Variants in ROBO1 observed in about 807,000 individuals in gnomAD.
ROBO1 encodes roundabout homolog 1.
Under a neutral mutation model 195.9 loss-of-function variants are expected in ROBO1, and 149 were observed. The ratio of observed to expected loss-of-function variants is 0.76; its 90% CI spans 0.67 to 0.87. The LOEUF (loss-of-function observed/expected upper bound fraction) is 0.87. Ranked by LOEUF, ROBO1 falls within the 40% of genes least tolerant of loss-of-function variation. ROBO1 has a pLI of 0.00. For synonymous variants in ROBO1, 816 were observed against 733.2 expected (o/e 1.11, Z -1.82); for missense variants, 1,933 against 2,068.3 (o/e 0.93, Z 1.27).
chr3:79,592,292 C>T (rs1944020627), intron 1 of ROBO1, among the ~76,000 whole-genome samples: 1 of 151,690 alleles, frequency 6.6e-6, no homozygotes, highest in Non-Finnish European at 1.5e-5. Context: ...ATTGAATTCC[C>T]CCAAGTTATA....
intron 2 of ROBO1, among the ~76,000 whole-genome samples, chr3:79,497,831 G>T (rs543987862): frequency 3.3e-5 from 5 of 152,156 alleles, no homozygotes; most frequent in African/African-American, 1.2e-4. Flanking sequence ...CAATTAATTT[G>T]TTGTAGTTGA....
chr3:79,432,397 C>T (rs753049401), intron 2 of ROBO1, among the ~76,000 whole-genome samples: 1 of 151,986 alleles, frequency 6.6e-6, no homozygotes, highest in Non-Finnish European at 1.5e-5. Context: ...GGAATAAACT[C>T]GAGACCATTA....
At chr3:78,697,522 C>T (rs568100785) in intron 8 of ROBO1, among the ~76,000 whole-genome samples, 10 of 152,196 alleles carry the variant, frequency 6.6e-5, no homozygotes, top group Admixed American at 2.0e-4. Context: ...AGATGATAAT[C>T]GGCCTAAATA....
intron 2 of ROBO1, among the ~76,000 whole-genome samples, chr3:79,237,278 C>A (rs1052886446): frequency 6.6e-6 from 1 of 151,948 alleles, no homozygotes; most frequent in Non-Finnish European, 1.5e-5. Context: ...GTCAGGAGAT[C>A]GAGACCATCC....
At chr3:79,292,704 C>G (rs892723562) in intron 2 of ROBO1, among the ~76,000 whole-genome samples, 1 of 152,128 alleles carries the variant, frequency 6.6e-6, no homozygotes, top group Non-Finnish European at 1.5e-5. Context: ...GTTGAACCAG[C>G]CTTGCATCCC....
At chr3:78,993,921 T>C (rs146572201) in intron 3 of ROBO1, among the ~76,000 whole-genome samples, 15 of 152,052 alleles carry the variant, frequency 9.9e-5, no homozygotes, top group African/African-American at 3.6e-4. Context: ...AAGCAAAAGT[T>C]ATGTGTAAAA....
At chr3:79,219,988 T>C (rs1369696922) in intron 2 of ROBO1, among the ~76,000 whole-genome samples, 1 of 152,082 alleles carries the variant, frequency 6.6e-6, no homozygotes, top group African/African-American at 2.4e-5. Context: ...ATATATGGTA[T>C]GGTGAAGACT....
At chr3:79,344,704 TATGCATA>T in intron 2 of ROBO1, among the ~76,000 whole-genome samples, 1 of 152,044 alleles carries the variant, frequency 6.6e-6, no homozygotes, top group Non-Finnish European at 1.5e-5. Context: ...TGCATACATA[TATGCATA>T]TATATATATG....
intron 3 of ROBO1, among the ~76,000 whole-genome samples, chr3:79,019,632 A>C (rs1233543482): frequency 6.6e-6 from 1 of 152,076 alleles, no homozygotes; most frequent in East Asian, 1.9e-4. Context: ...AGGGGTGCCC[A>C]ACTGCGCCCT....
chr3:79,496,240 G>A (rs564604384), intron 2 of ROBO1, among the ~76,000 whole-genome samples: 17 of 143,822 alleles, frequency 1.2e-4, no homozygotes, highest in Non-Finnish European at 1.8e-4. Flanking sequence ...AAAAAGACTC[G>A]TAAAGCACTT....
intron 29 of ROBO1, among the ~76,000 whole-genome samples, chr3:78,604,294 C>T (rs1703346414): frequency 6.6e-6 from 1 of 152,132 alleles, no homozygotes; most frequent in African/African-American, 2.4e-5. Flanking sequence ...TGGTCTCAAA[C>T]TCCTGACCTT....
At chr3:79,495,106 A>G (rs1353242157) in intron 2 of ROBO1, among the ~76,000 whole-genome samples, 1 of 152,206 alleles carries the variant, frequency 6.6e-6, no homozygotes, top group Non-Finnish European at 1.5e-5. Context: ...TTTTAAAAGC[A>G]TGATTATATC....
At chr3:79,061,067 G>C (rs969834539) in intron 3 of ROBO1, among the ~76,000 whole-genome samples, 40 of 152,122 alleles carry the variant, frequency 2.6e-4, no homozygotes, top group Non-Finnish European at 4.9e-4. Flanking sequence ...AATTGTCCCT[G>C]TTTGCAGATG....
At chr3:78,649,891 G>A (rs917086977) in intron 19 of ROBO1, among the ~76,000 whole-genome samples, 2 of 152,138 alleles carry the variant, frequency 1.3e-5, no homozygotes, top group Non-Finnish European at 2.9e-5. Flanking sequence ...TCAGTAGGAA[G>A]GAGAGTTGCA....
intron 4 of ROBO1, among the ~76,000 whole-genome samples, chr3:78,848,649 A>G (rs918172256): frequency 1.3e-5 from 2 of 152,156 alleles, no homozygotes; most frequent in Non-Finnish European, 2.9e-5. Flanking sequence ...CCACTGTGGG[A>G]AAAATGAGGT....
intron 2 of ROBO1, among the ~76,000 whole-genome samples, chr3:79,587,141 C>T (rs893630896): frequency 2.0e-5 from 3 of 151,546 alleles, no homozygotes; most frequent in Non-Finnish European, 4.4e-5. Flanking sequence ...TGTTTGCCTT[C>T]TCATATACCA....
chr3:79,380,801 G>A (rs756832493), intron 2 of ROBO1, among the ~76,000 whole-genome samples: 1 of 152,082 alleles, frequency 6.6e-6, no homozygotes, highest in Non-Finnish European at 1.5e-5. Context: ...GGTGGCAGAA[G>A]TGACAGTGTG....
intron 4 of ROBO1, among the ~76,000 whole-genome samples, chr3:78,932,036 T>A (rs2039560855): frequency 6.6e-6 from 1 of 152,166 alleles, no homozygotes; most frequent in African/African-American, 2.4e-5. Flanking sequence ...TCTACGGTAT[T>A]AATTAAAATT....
chr3:79,240,195 T>C lies in ROBO1; in HGVS notation c.89-114656A>G, dbSNP rs1576860037. 2.0e-5 allele frequency among the ~76,000 whole-genome samples: 3 copies of C among 152,344 alleles called. No individual in the cohort carries two copies. In the South Asian group the frequency reaches 6.2e-4, roughly 32 times the overall value. On this transcript the variant is annotated intron_variant, in intron 2 of 30. Coordinates refer to ENST00000464233, the MANE Select transcript of ROBO1 (RefSeq NM_002941.4). Reference sequence around the variant, plus strand: ...TGGTCACTATTATACAATAGTTTTTTAGATTCCACATAAAAGTAAAATCTC... The same window carrying C: ...TGGTCACTATTATACAATAGTTTTTCAGATTCCACATAAAAGTAAAATCTC...
Sources: gnomAD v4.1 joint callset for allele counts (sites outside exome capture counted in the v4.1 genomes callset) on GRCh38, gnomAD v4.1.1 for gene constraint, MANE v1.5 for transcripts, NCBI Gene and HGNC (gene_info 2026-07-23, HGNC 2026-07-21) for gene names.